ERBIN: variants seen among roughly 807,000 people sequenced by gnomAD.
The protein encoded by ERBIN is erbb2 interacting protein, also known as densin-180-like protein.
Under a neutral mutation model 158.4 loss-of-function variants are expected in ERBIN, and 60 were observed. The ratio of observed to expected loss-of-function variants is 0.38; its 90% CI spans 0.31 to 0.47. The LOEUF is 0.47. Among genes scored for constraint, ERBIN ranks in the 20% least tolerant of loss-of-function variants. The pLI is 0.99. For synonymous variants in ERBIN, 594 were observed against 557.2 expected, an observed-to-expected ratio of 1.07 and a Z score of -0.93; for missense variants, 1,610 against 1,648.0, an observed-to-expected ratio of 0.98 and a Z score of 0.40.
Position 66,018,504 on chromosome 5 carries a change from T to TA in ERBIN, c.534-2817dup, listed in dbSNP as rs1203268786. 8.2e-4 allele frequency among the ~76,000 whole-genome samples: 9 copies of TA among 11,008 alleles called. 1 individual carries two copies. The highest frequency in any genetic ancestry group is 1.4e-3 in the Non-Finnish European group (9 of 6,210). 7.2% of individuals were successfully genotyped at this position (11,008 alleles called of 152,430 possible). Reference sequence around the variant, plus strand: ...ATTATATATTATATTATATAATATATATTATATATTATATAATATATATTA... The same window carrying TA: ...ATTATATATTATATTATATAATATATAATTATATATTATATAATATATATTA... On this transcript the variant is annotated intron_variant, in intron 7 of 25. Transcript: ENST00000284037.
intron 1 of ERBIN, among the ~76,000 whole-genome samples, chr5:65,964,995 T>C (rs573617175): frequency 3.4e-4 from 50 of 148,782 alleles, no homozygotes; most frequent in Non-Finnish European, 6.5e-4. Context: ...TTCACTATGT[T>C]GGCCAGGCTG....
chr5:66,077,788 A>AGT (rs1561464855), intron 25 of ERBIN, among the ~76,000 whole-genome samples: 30 of 133,384 alleles, frequency 2.2e-4, no homozygotes, highest in African/African-American at 8.5e-4. Context: ...ACACACACAC[A>AGT]CACACATACA....
At chr5:65,983,706 A>G (rs1271768915) in intron 1 of ERBIN, among the ~76,000 whole-genome samples, 1 of 152,240 alleles carries the variant, frequency 6.6e-6, no homozygotes, top group East Asian at 1.9e-4. Flanking sequence ...TCTTAAATCC[A>G]GCCGAGTATA....
intron 4 of ERBIN, among the ~76,000 whole-genome samples, chr5:65,999,473 G>C (rs890177833): frequency 3.3e-5 from 5 of 152,112 alleles, no homozygotes; most frequent in South Asian, 2.1e-4. Flanking sequence ...CTAAGAACAG[G>C]GGAATCGGAA....
At chr5:66,056,379 G>A (rs1478321965) in intron 21 of ERBIN, among the ~76,000 whole-genome samples, 1 of 152,128 alleles carries the variant, frequency 6.6e-6, no homozygotes, top group Non-Finnish European at 1.5e-5. Context: ...GGACATAGAG[G>A]AGGAGTAGGA....
At chr5:66,035,542 A>G (rs994779811) in intron 14 of ERBIN, among the ~76,000 whole-genome samples, 1 of 152,068 alleles carries the variant, frequency 6.6e-6, no homozygotes, top group African/African-American at 2.4e-5. Flanking sequence ...AATACTGTTC[A>G]CTGTCATCTT....
At chr5:66,032,754 T>A (rs1757014935) in intron 14 of ERBIN, among the ~76,000 whole-genome samples, 2 of 152,048 alleles carry the variant, frequency 1.3e-5, no homozygotes, top group Middle Eastern at 3.2e-3. Context: ...ACTAAAGTAA[T>A]GAAACAGAAC....
At chr5:66,076,071 CTCA>C in intron 23 of ERBIN, 1 of 449,538 alleles carries the variant, frequency 2.2e-6, no homozygotes, top group Non-Finnish European at 3.9e-6. Flanking sequence ...ATTCCTTATC[CTCA>C]TAAGACAAGC....
intron 1 of ERBIN, among the ~76,000 whole-genome samples, chr5:65,966,680 CAAAAAAAA>C (rs70987105): frequency 2.6e-4 from 13 of 50,146 alleles, no homozygotes; most frequent in South Asian, 1.2e-3. Context: ...AACTCTGTCT[CAAAAAAAA>C]AAAAAAAAAA....
At chr5:65,964,129 C>T (rs1300514071) in intron 1 of ERBIN, among the ~76,000 whole-genome samples, 1 of 152,078 alleles carries the variant, frequency 6.6e-6, no homozygotes, top group East Asian at 1.9e-4. Context: ...AGTTGAAAGT[C>T]GGGTTCCATG....
rs1752021058 is a variant in ERBIN at position 65,992,779 on chromosome 5, G to A, written c.61G>A (p.Glu21Lys). 1 of 1,613,738 alleles carries A rather than the reference G, an allele frequency of 6.2e-7. No individual in the cohort carries two copies. The highest frequency in any genetic ancestry group is 8.5e-7 in the Non-Finnish European group (1 of 1,179,888). Residue 21 changes from glutamate (E) to lysine (K), a missense_variant, in exon 3 of 26, where the codon GAG becomes AAG. Glu to Lys is a moderately conservative substitution (Grantham distance 56). Transcript: ENST00000284037. ...LVPCRCLRGE[E>K]ETVTTLDYSH... ...ACCATGTCGCTGTCTACGAGGGGAA[G>A]AGGAGACTGTCACTACTCTTGATTA...
chr5:65,950,824 TA>T (rs1746410928), intron 1 of ERBIN, among the ~76,000 whole-genome samples: 1 of 152,156 alleles, frequency 6.6e-6, no homozygotes, highest in Non-Finnish European at 1.5e-5. Flanking sequence ...AGTTGTCTTT[TA>T]AGGGGTATGT....
Position 66,079,249 on chromosome 5 carries a change from G to A in ERBIN, c.*719G>A, listed in dbSNP as rs1762265403. On this transcript the variant is annotated 3_prime_UTR_variant, in exon 26 of 26. Transcript: ENST00000284037. Reference sequence around the variant, plus strand: ...TATGAGCTCGGCAGGATCTGTTCTTGTCATAGCCATTGACTATACATTTGC... The same window carrying A: ...TATGAGCTCGGCAGGATCTGTTCTTATCATAGCCATTGACTATACATTTGC... 1 of 152,446 alleles carries A rather than the reference G, an allele frequency of 6.6e-6. No individual in the cohort carries two copies. The highest frequency in any genetic ancestry group is 1.5e-5 in the Non-Finnish European group (1 of 68,010). The allele number at this position is 152,446 out of a possible 1,614,324, so 9.4% of individuals were successfully genotyped here.
intron 1 of ERBIN, among the ~76,000 whole-genome samples, chr5:65,949,722 A>G (rs1746268107): frequency 6.6e-6 from 1 of 152,248 alleles, no homozygotes; most frequent in African/African-American, 2.4e-5. Context: ...ATAAAATACT[A>G]TTAATTAAAC....
At chr5:66,038,305 G>A (rs1757589817) in intron 14 of ERBIN, 78 bp from the exon 15 acceptor site, 1 of 865,128 alleles carries the variant, frequency 1.2e-6, no homozygotes. Flanking sequence ...AAAGTGGTGT[G>A]TACTTATGCA....
rs534033646 is a variant in ERBIN, at chr5:66,002,501, C to A, written c.307+7637C>A. ...AAGAAAAACCGTGTAGCTATTAATT[C>A]TCTTATATGAACATAATGAATAAAA... is the stretch of plus-strand genomic sequence containing the variant. On this transcript the variant is annotated intron_variant, in intron 4 of 25. Coordinates refer to ENST00000284037, the MANE Select transcript of ERBIN (RefSeq NM_001253697.2). Among the ~76,000 whole-genome samples, 35 of 152,228 alleles carry A rather than the reference C, an allele frequency of 2.3e-4. No individual in the cohort carries two copies. The East Asian group carries it at 4.6e-3, about 20-fold the overall frequency.
intron 1 of ERBIN, among the ~76,000 whole-genome samples, chr5:65,935,478 C>T (rs574638732): frequency 2.0e-5 from 3 of 152,262 alleles, no homozygotes; most frequent in African/African-American, 7.2e-5. Flanking sequence ...CCAGAAGTGT[C>T]TGCAGTCCAA....
At chr5:66,016,464 A>G (rs1221655002) in intron 7 of ERBIN, among the ~76,000 whole-genome samples, 1 of 152,166 alleles carries the variant, frequency 6.6e-6, no homozygotes, top group African/African-American at 2.4e-5. Flanking sequence ...TTATTGAGGT[A>G]AAATATGTGT....
At chr5:66,076,210 T>A (rs547390076) in intron 23 of ERBIN, 106 bp from the exon 24 acceptor site, 2 of 773,392 alleles carry the variant, frequency 2.6e-6, no homozygotes, top group Non-Finnish European at 4.3e-6. Flanking sequence ...TGAATTCTTA[T>A]GTTTATGTTT....
Sources: allele counts gnomAD v4.1 joint callset (sites outside exome capture counted in the v4.1 genomes callset), GRCh38; gene constraint gnomAD v4.1.1; transcripts MANE v1.5; gene names NCBI Gene and HGNC (gene_info 2026-07-23, HGNC 2026-07-21).